The following RPS6KA3 variants were observed in gnomAD, a reference collection of about 807,000 sequenced individuals.
RPS6KA3 encodes the protein ribosomal protein S6 kinase A3.
A neutral mutation model predicts 67.2 loss-of-function variants in RPS6KA3; 4 were observed. The observed-to-expected ratio is 0.06, with a 90% CI of 0.03 to 0.14. The LOEUF (loss-of-function observed/expected upper bound fraction) is 0.14. Ranked by LOEUF, RPS6KA3 falls within the 10% of genes least tolerant of loss-of-function variation. The pLI is 1.00. For synonymous variants in RPS6KA3, 182 were observed against 183.7 expected (o/e 0.99, Z 0.07); for missense variants, 204 against 559.0 (o/e 0.36, Z 6.40).
rs200606585 is a variant in RPS6KA3, at chrX:20,238,621, G to GA, written c.70-3808dup. Reference sequence around the variant, plus strand: ...AGTATATACTAACAAAGCAACCTAAGAAAAAAATTGAGTGAAACATAATCT... The same window carrying GA: ...AGTATATACTAACAAAGCAACCTAAGAAAAAAAATTGAGTGAAACATAATCT... On this transcript the variant is annotated intron_variant, in intron 1 of 21. Transcript: ENST00000379565. Among the ~76,000 whole-genome samples the GA allele has an allele frequency of 6.8e-3, 755 of 110,587 alleles. 23 individuals carry two copies. The highest frequency in any genetic ancestry group is 0.056 in the Admixed American group (580 of 10,434).
intron 7 of RPS6KA3, among the ~76,000 whole-genome samples, chrX:20,191,955 G>A (rs1438642384): frequency 3.6e-5 from 4 of 109,994 alleles, no homozygotes; most frequent in African/African-American, 1.3e-4. Flanking sequence ...TAATAGAGAC[G>A]GGGTTTCACC....
intron 2 of RPS6KA3, among the ~76,000 whole-genome samples, chrX:20,214,841 C>CTT (rs753632500): frequency 1.9e-4 from 17 of 90,321 alleles, no homozygotes; most frequent in African/African-American, 5.4e-4. Context: ...TTCTTTTTTT[C>CTT]TTTTTTTTTT....
intron 10 of RPS6KA3, among the ~76,000 whole-genome samples, chrX:20,179,039 C>T (rs2067776931): frequency 1.8e-5 from 2 of 110,698 alleles, no homozygotes; most frequent in Admixed American, 2.0e-4. Flanking sequence ...GGTAAGAGGT[C>T]ACTGTTTTCT....
At chrX:20,235,077 G>T (rs866573581) in intron 1 of RPS6KA3, among the ~76,000 whole-genome samples, 1 of 111,468 alleles carries the variant, frequency 9.0e-6, no homozygotes. Flanking sequence ...GAACCCTTGA[G>T]TTTAATAGTT....
At chrX:20,169,056 T>G (rs1170371025) in intron 16 of RPS6KA3, among the ~76,000 whole-genome samples, 1 of 112,093 alleles carries the variant, frequency 8.9e-6, no homozygotes, top group Non-Finnish European at 1.9e-5. Flanking sequence ...TCTCCCTATG[T>G]TGCCCAGGCT....
intron 3 of RPS6KA3, among the ~76,000 whole-genome samples, chrX:20,204,848 C>T (rs1046004893): frequency 9.0e-6 from 1 of 111,061 alleles, no homozygotes; most frequent in African/African-American, 3.3e-5. Context: ...TGCAGTGAGC[C>T]GAGATCGTAC....
intron 14 of RPS6KA3, 68 bp downstream of exon 14, chrX:20,175,096 G>T: frequency 2.0e-6 from 2 of 1,013,288 alleles, no homozygotes; most frequent in South Asian, 3.8e-5. Context: ...AGTAGAAAAA[G>T]ATCTATTCAC....
intron 17 of RPS6KA3, among the ~76,000 whole-genome samples, chrX:20,165,291 C>G (rs1000280622): frequency 9.0e-6 from 1 of 111,705 alleles, no homozygotes; most frequent in African/African-American, 3.3e-5. Flanking sequence ...CTTTGTCCAA[C>G]TGAGTAATTG....
At chrX:20,199,013 A>C (rs999620639) in intron 4 of RPS6KA3, among the ~76,000 whole-genome samples, 1 of 110,734 alleles carries the variant, frequency 9.0e-6, no homozygotes, top group African/African-American at 3.3e-5. Flanking sequence ...CTGAGATTAC[A>C]GGTGCCCGCC....
chrX:20,255,273 T>C (rs758189076), intron 1 of RPS6KA3, among the ~76,000 whole-genome samples: 2 of 111,141 alleles, frequency 1.8e-5, no homozygotes, highest in Non-Finnish European at 3.8e-5. Context: ...ATGTCCAGAA[T>C]AGGTGAATCT....
At chrX:20,192,315 A>T (rs1299043623) in intron 7 of RPS6KA3, among the ~76,000 whole-genome samples, 1 of 110,839 alleles carries the variant, frequency 9.0e-6, no homozygotes. Context: ...TACATGGAGA[A>T]GAAAATTTTC....
chrX:20,232,210 G>A (rs112898241), intron 2 of RPS6KA3, among the ~76,000 whole-genome samples: 3,276 of 111,820 alleles, frequency 0.029, 112 homozygotes, highest in African/African-American at 0.096. Flanking sequence ...GATTATTTTT[G>A]TAACCTTAGT....
chrX:20,159,210 C>T (rs2067252743), intron 20 of RPS6KA3, among the ~76,000 whole-genome samples: 1 of 112,401 alleles, frequency 8.9e-6, no homozygotes, highest in Non-Finnish European at 1.9e-5. Context: ...TATAGGTCCT[C>T]ATCATTCATG....
intron 4 of RPS6KA3, among the ~76,000 whole-genome samples, chrX:20,202,535 C>T (rs768123657): frequency 1.8e-4 from 20 of 111,168 alleles, no homozygotes; most frequent in African/African-American, 5.6e-4. Context: ...ATTCTGGATT[C>T]GGAAATAAAA....
intron 10 of RPS6KA3, among the ~76,000 whole-genome samples, chrX:20,180,116 T>TA (rs1249143188): frequency 2.8e-5 from 3 of 108,655 alleles, no homozygotes; most frequent in African/African-American, 1.0e-4. Context: ...TTTTTTTTTT[T>TA]AAAAGAAAAG....
intron 3 of RPS6KA3, among the ~76,000 whole-genome samples, chrX:20,205,546 G>A (rs1442224658): frequency 8.9e-6 from 1 of 112,202 alleles, no homozygotes; most frequent in Non-Finnish European, 1.9e-5. Context: ...GATACAGGGT[G>A]TGTTGCTCTC....
intron 16 of RPS6KA3, 77 bp downstream of exon 16, chrX:20,169,325 T>C (rs1427360559): frequency 1.5e-6 from 1 of 686,055 alleles, no homozygotes; most frequent in Non-Finnish European, 2.4e-6. Flanking sequence ...GTCTACCACA[T>C]GATTTTTGAA....
intron 1 of RPS6KA3, chrX:20,241,491 G>A: frequency 9.9e-6 from 1 of 100,530 alleles, no homozygotes; most frequent in African/African-American, 3.6e-5. Context: ...GACAGACATA[G>A]AAATAATCTA....
At chrX:20,240,513 A>C (rs1182893548) in intron 1 of RPS6KA3, 8 of 441,368 alleles carry the variant, frequency 1.8e-5, no homozygotes, top group Non-Finnish European at 2.2e-5. Flanking sequence ...AATCACAATG[A>C]AACAATAAGA....
Sources: gnomAD v4.1 joint callset for allele counts (sites outside exome capture counted in the v4.1 genomes callset) on GRCh38, gnomAD v4.1.1 for gene constraint, MANE v1.5 for transcripts, NCBI Gene and HGNC (gene_info 2026-07-23, HGNC 2026-07-21) for gene names.